KCNK10: variants seen among roughly 807,000 people sequenced by gnomAD.
KCNK10 encodes the protein potassium channel subfamily K member 10.
KCNK10 carries 25 observed loss-of-function variants against 47.7 expected under a neutral mutation model. The observed-to-expected ratio is 0.52, with a 90% CI of 0.38 to 0.73. The LOEUF is 0.73. KCNK10 is among the 30% of genes least tolerant of loss of function. KCNK10 has a pLI of 0.00. For missense variants in KCNK10, 563 were observed against 714.5 expected, an observed-to-expected ratio of 0.79 and a Z score of 2.42; for synonymous variants, 303 against 285.6, an observed-to-expected ratio of 1.06 and a Z score of -0.61.
In KCNK10 at chr14:88,260,904, G is replaced by A. The variant is rs1887091916; in HGVS notation, c.402+2298C>T. 6.6e-6 allele frequency among the ~76,000 whole-genome samples: 1 copy of A among 152,162 alleles called. No individual in the cohort carries two copies. ...TCTTTGAGGTCAAAACAGGACACCAGTCTTAATGGCAGCATCAGAATAAGG... is the reference window on the plus strand; with the variant it reads ...TCTTTGAGGTCAAAACAGGACACCAATCTTAATGGCAGCATCAGAATAAGG... On this transcript the variant is annotated intron_variant, in intron 2 of 6. Coordinates refer to ENST00000319231, the MANE Select transcript of KCNK10 (RefSeq NM_138317.3). This position sits in a 1 kb window ranked among gnomAD's most constrained non-coding sequence, Gnocchi z 4.5.
In KCNK10 at chr14:88,186,263, G is replaced by A. The variant is rs1031683300; in HGVS notation, c.1012-108C>T. ...CCCCACGGGGAGGCCAGGAGGTGAC[G>A]GAGCACATGCCCAGGGGGAGGTGCA... On this transcript the variant is annotated intron_variant, in intron 6 of 6. Transcript: ENST00000319231. The surrounding 1 kb of genome is among the most constrained non-coding windows in gnomAD (Gnocchi z 5.5). The A allele has an allele frequency of 1.9e-5, 25 of 1,317,482 alleles. No homozygotes were observed. The highest frequency in any genetic ancestry group is 3.1e-5 in the South Asian group (2 of 64,528). The allele number at this position is 1,317,482 out of a possible 1,614,324, so 81.6% of individuals were successfully genotyped here.
In KCNK10 at chr14:88,228,473, T is replaced by G. The variant is rs1274754279; in HGVS notation, c.521-938A>C. Among the ~76,000 whole-genome samples, 5 of 152,336 alleles carry G rather than the reference T, an allele frequency of 3.3e-5. 1 individual carries two copies. The East Asian group carries it at 9.6e-4, about 29-fold the overall frequency. ...ATATGGAGATGAAAGTCTAAATTAA[T>G]TAATATTCATTTTTGTGCCAATTGA... is the stretch of plus-strand genomic sequence containing the variant. On this transcript the variant is annotated intron_variant, in intron 3 of 6. Transcript: ENST00000319231.
chr14:88,197,848 A>T (rs925048988), intron 4 of KCNK10, among the ~76,000 whole-genome samples: 2 of 133,420 alleles, frequency 1.5e-5, no homozygotes, highest in African/African-American at 6.1e-5. Flanking sequence ...AGAAGGAAGG[A>T]AGGAGGGAAG....
chr14:88,285,320 C>T (rs766521492), intron 1 of KCNK10, among the ~76,000 whole-genome samples: 2 of 152,158 alleles, frequency 1.3e-5, no homozygotes, highest in African/African-American at 2.4e-5. Flanking sequence ...CCATGTTGGC[C>T]GGGGTAGTCT....
chr14:88,254,546 C>T (rs747047895), intron 2 of KCNK10, among the ~76,000 whole-genome samples: 44 of 152,200 alleles, frequency 2.9e-4, no homozygotes, highest in Non-Finnish European at 3.5e-4. Flanking sequence ...TCCCTGCAAA[C>T]CGAAGCATTC....
intron 4 of KCNK10, among the ~76,000 whole-genome samples, chr14:88,213,536 C>G (rs79013996): frequency 0.014 from 2,145 of 152,200 alleles, 30 homozygotes; most frequent in East Asian, 0.042. Flanking sequence ...ATACAGTTTA[C>G]CATGTTGTAG....
intron 4 of KCNK10, among the ~76,000 whole-genome samples, chr14:88,206,309 G>A (rs1310275624): frequency 1.3e-5 from 2 of 152,118 alleles, no homozygotes; most frequent in African/African-American, 4.8e-5. Flanking sequence ...ACTGGGAGGA[G>A]GTCAAAGACG....
At chr14:88,301,766 T>G (rs1468248962) in intron 1 of KCNK10, among the ~76,000 whole-genome samples, 2 of 151,928 alleles carry the variant, frequency 1.3e-5, no homozygotes, top group Non-Finnish European at 2.9e-5. Context: ...AAGACCAGCC[T>G]TGGAAAGGAG....
At chr14:88,309,642 C>G (rs577779207) in intron 1 of KCNK10, among the ~76,000 whole-genome samples, 1 of 152,028 alleles carries the variant, frequency 6.6e-6, no homozygotes, top group African/African-American at 2.4e-5. Context: ...ATAAAAGGCC[C>G]CAACACCCGT....
intron 3 of KCNK10, among the ~76,000 whole-genome samples, chr14:88,229,473 AAGT>A (rs1401095401): frequency 7.7e-6 from 1 of 129,708 alleles, no homozygotes; most frequent in Non-Finnish European, 1.6e-5. Flanking sequence ...TACCAATGCA[AAGT>A]ATTATTATTA....
At chr14:88,237,211 A>G (rs1319537094) in intron 3 of KCNK10, among the ~76,000 whole-genome samples, 5 of 152,224 alleles carry the variant, frequency 3.3e-5, no homozygotes, top group Admixed American at 3.3e-4. Flanking sequence ...TTGTTCATCC[A>G]TAAGAAGAAG....
intron 4 of KCNK10, among the ~76,000 whole-genome samples, chr14:88,208,982 G>A (rs915762452): frequency 3.9e-5 from 6 of 152,170 alleles, no homozygotes; most frequent in Non-Finnish European, 7.3e-5. Context: ...TAGAAAGACT[G>A]CAGATGTTGT....
intron 1 of KCNK10, among the ~76,000 whole-genome samples, chr14:88,297,121 G>C (rs1331881477): frequency 2.0e-5 from 3 of 152,190 alleles, no homozygotes; most frequent in East Asian, 1.9e-4. Flanking sequence ...ACTGCACAGA[G>C]CCTGGTAGGT....
At chr14:88,189,219 A>T (rs920053394) in intron 5 of KCNK10, among the ~76,000 whole-genome samples, 1 of 152,216 alleles carries the variant, frequency 6.6e-6, no homozygotes, top group African/African-American at 2.4e-5. Flanking sequence ...AAACCCAATC[A>T]GCAACACAGC....
rs373685855 is a variant in KCNK10, at chr14:88,264,018, A to T, written c.53-467T>A. Among the ~76,000 whole-genome samples the T allele has an allele frequency of 8.1e-4, 123 of 152,364 alleles. 1 individual carries two copies. The South Asian group carries it at 0.014, about 17-fold the overall frequency. On this transcript the variant is annotated intron_variant, in intron 1 of 6. Transcript: ENST00000319231. ...GCTGGTGATACCAACAGCAGAGAAG[A>T]GATGAATGTCTAGAGACTTAAAAAG...
intron 1 of KCNK10, among the ~76,000 whole-genome samples, chr14:88,318,177 T>C (rs1378256123): frequency 6.6e-6 from 1 of 152,228 alleles, no homozygotes; most frequent in Non-Finnish European, 1.5e-5. Context: ...ATTCTTCCTT[T>C]CTCCTTATTT....
intron 5 of KCNK10, among the ~76,000 whole-genome samples, chr14:88,189,268 T>TAACGTTAGAATTCCAACTTCTC (rs1884671809): frequency 6.6e-6 from 1 of 152,158 alleles, no homozygotes; most frequent in Non-Finnish European, 1.5e-5. Context: ...TGCCACTTCT[T>TAACGTTAGAATTCCAACTTCTC]AACGTTAGAA....
At chr14:88,315,483 T>C (rs1262073988) in intron 1 of KCNK10, among the ~76,000 whole-genome samples, 1 of 152,238 alleles carries the variant, frequency 6.6e-6, no homozygotes, top group East Asian at 1.9e-4. Flanking sequence ...TCACACCTAA[T>C]ATCAAGCATC....
At chr14:88,274,733 G>A (rs1223201310) in intron 1 of KCNK10, among the ~76,000 whole-genome samples, 2 of 152,034 alleles carry the variant, frequency 1.3e-5, no homozygotes, top group African/African-American at 4.8e-5. Flanking sequence ...CAATGGTTCA[G>A]AATGATGAAA....
Sources: allele counts gnomAD v4.1 joint callset (sites outside exome capture counted in the v4.1 genomes callset), GRCh38; gene constraint gnomAD v4.1.1; non-coding constraint Gnocchi (gnomAD v3.1); transcripts MANE v1.5; gene names NCBI Gene and HGNC (gene_info 2026-07-23, HGNC 2026-07-21).